PHEX: variants seen among roughly 807,000 people sequenced by gnomAD.
The protein encoded by PHEX is phosphate regulating endopeptidase X-linked, also known as phosphate-regulating neutral endopeptidase PHEX.
In PHEX, 16 loss-of-function variants were observed where a neutral mutation model predicts 68.0. The observed-to-expected ratio is 0.24, with a 90% CI of 0.16 to 0.36. The LOEUF is 0.36. Among genes scored for constraint, PHEX ranks in the 10% least tolerant of loss-of-function variants. The pLI is 1.00. For synonymous variants in PHEX, 208 were observed against 205.1 expected (o/e 1.01, Z -0.12); for missense variants, 480 against 575.5 (o/e 0.83, Z 1.70).
At chrX:22,099,879 A>T (rs1370795091) in intron 9 of PHEX, among the ~76,000 whole-genome samples, 1 of 111,861 alleles carries the variant, frequency 8.9e-6, no homozygotes, top group African/African-American at 3.2e-5. Flanking sequence ...TCTTATTTGG[A>T]CTCAGACAAG....
intron 3 of PHEX, among the ~76,000 whole-genome samples, chrX:22,074,111 A>G (rs1382129063): frequency 9.0e-6 from 1 of 110,924 alleles, no homozygotes; most frequent in Non-Finnish European, 1.9e-5. Context: ...CATTTTAATA[A>G]CCTGAGTAAT....
intron 2 of PHEX, among the ~76,000 whole-genome samples, chrX:22,041,265 C>CTCTCTCTCTCTCTATATA (rs1468778300): frequency 5.5e-5 from 4 of 72,819 alleles, no homozygotes; most frequent in African/African-American, 1.9e-4. Flanking sequence ...CTCTCTCTCT[C>CTCTCTCTCTCTCTATATA]TATATATATA....
intron 3 of PHEX, among the ~76,000 whole-genome samples, chrX:22,056,948 A>C (rs1167649580): frequency 9.1e-6 from 1 of 110,015 alleles, no homozygotes; most frequent in African/African-American, 3.3e-5. Context: ...AAATATGGCT[A>C]GGTGGAATTG....
At chrX:22,092,523 C>T (rs1929935968) in intron 6 of PHEX, among the ~76,000 whole-genome samples, 1 of 109,719 alleles carries the variant, frequency 9.1e-6, no homozygotes, top group African/African-American at 3.3e-5. Flanking sequence ...TGGGCATGCA[C>T]CACCATGCCG....
intron 15 of PHEX, among the ~76,000 whole-genome samples, chrX:22,209,387 A>G (rs1602391276): frequency 9.0e-6 from 1 of 111,286 alleles, no homozygotes; most frequent in East Asian, 2.8e-4. Context: ...AGCTGTATGT[A>G]TGGATGCTTA....
intron 14 of PHEX, among the ~76,000 whole-genome samples, chrX:22,180,853 T>C (rs1353573550): frequency 8.9e-6 from 1 of 112,217 alleles, no homozygotes; most frequent in East Asian, 2.8e-4. Context: ...AGTGAGAACA[T>C]GTGAAGTTTT....
intron 20 of PHEX, among the ~76,000 whole-genome samples, chrX:22,243,501 G>A (rs190471731): frequency 3.6e-4 from 40 of 111,903 alleles, no homozygotes; most frequent in Admixed American, 2.7e-3. Flanking sequence ...AGGCAACCTA[G>A]AGGATGGGAG....
intron 12 of PHEX, among the ~76,000 whole-genome samples, chrX:22,144,688 A>G (rs1285397478): frequency 9.1e-6 from 1 of 110,216 alleles, no homozygotes; most frequent in African/African-American, 3.3e-5. Flanking sequence ...ATTCCTTATT[A>G]GTATCCTGTC....
At chrX:22,134,027 A>G (rs1264810818) in intron 12 of PHEX, among the ~76,000 whole-genome samples, 1 of 111,559 alleles carries the variant, frequency 9.0e-6, no homozygotes, top group Non-Finnish European at 1.9e-5. Flanking sequence ...TATTGGCCAC[A>G]TGTCCTTCTG....
chrX:22,236,153 C>A (rs557432288), intron 20 of PHEX, among the ~76,000 whole-genome samples: 1 of 112,037 alleles, frequency 8.9e-6, no homozygotes, highest in South Asian at 3.8e-4. Context: ...CCTACTCTTC[C>A]CCTTCAGATG....
At chrX:22,182,397 A>C (rs1000465177) in intron 14 of PHEX, among the ~76,000 whole-genome samples, 3 of 111,147 alleles carry the variant, frequency 2.7e-5, no homozygotes, top group African/African-American at 9.8e-5. Flanking sequence ...TCCCACAATC[A>C]CCGTACTCTC....
At chrX:22,239,351 G>A (rs1239244629) in intron 20 of PHEX, among the ~76,000 whole-genome samples, 2 of 110,943 alleles carry the variant, frequency 1.8e-5, no homozygotes, top group African/African-American at 6.6e-5. Flanking sequence ...ACAACTCCTC[G>A]CCAGCAAGGG....
At chrX:22,182,770 T>G (rs1189792282) in intron 14 of PHEX, among the ~76,000 whole-genome samples, 2 of 111,498 alleles carry the variant, frequency 1.8e-5, no homozygotes, top group Admixed American at 9.5e-5. Context: ...GTCTACCCAC[T>G]GGGGCAGCAA....
In PHEX at chrX:22,090,338, G is replaced by T. The variant is rs962377368; in HGVS notation, c.664-91G>T. 8 of 701,570 alleles carry T rather than the reference G, an allele frequency of 1.1e-5. No individual in the cohort carries two copies. The African/African-American group carries it at 1.3e-4, about 11-fold the overall frequency. 57.8% of individuals were successfully genotyped at this position (701,570 alleles called of 1,213,427 possible). A position where few individuals can be genotyped will look rare whatever the true frequency, so the allele number is the denominator to read the frequency against. ...AATGGTGACATGAGCTCAAAATATG[G>T]CTGGGATGCAGACGATTTCATCACT... On this transcript the variant is annotated intron_variant, in intron 5 of 21. Coordinates refer to ENST00000379374, the MANE Select transcript of PHEX (RefSeq NM_000444.6).
intron 11 of PHEX, among the ~76,000 whole-genome samples, chrX:22,128,868 C>T (rs1467285065): frequency 5.9e-5 from 6 of 101,227 alleles, no homozygotes; most frequent in Non-Finnish European, 1.2e-4. Flanking sequence ...CCAACCCCCG[C>T]CCAGTGGATG....
intron 16 of PHEX, 70 bp downstream of exon 16, chrX:22,213,028 A>G: frequency 1.2e-6 from 1 of 821,631 alleles, no homozygotes; most frequent in South Asian, 2.0e-5. Flanking sequence ...TAGAGGACAG[A>G]AGAAACAAAG....
At chrX:22,033,686 G>C (rs1288739946) in intron 1 of PHEX, among the ~76,000 whole-genome samples, 1 of 111,972 alleles carries the variant, frequency 8.9e-6, no homozygotes, top group Non-Finnish European at 1.9e-5. Context: ...AAGGAAAACA[G>C]AGGTTTTCCC....
chrX:22,223,181 G>T (rs942144189), intron 18 of PHEX, among the ~76,000 whole-genome samples: 1 of 112,039 alleles, frequency 8.9e-6, no homozygotes, highest in Non-Finnish European at 1.9e-5. Context: ...GGATATAAGG[G>T]CCATGCTTTA....
chrX:22,243,910 G>C (rs1395373131), intron 20 of PHEX, among the ~76,000 whole-genome samples: 4 of 112,011 alleles, frequency 3.6e-5, no homozygotes, highest in Non-Finnish European at 7.5e-5. Context: ...AATACCATTT[G>C]ACCCAGCAAT....
Sources: allele counts gnomAD v4.1 joint callset (sites outside exome capture counted in the v4.1 genomes callset), GRCh38; gene constraint gnomAD v4.1.1; transcripts MANE v1.5; gene names NCBI Gene and HGNC (gene_info 2026-07-23, HGNC 2026-07-21).